The following HDAC9 variants were observed in gnomAD, a reference collection of about 807,000 sequenced individuals.
The protein encoded by HDAC9 is histone deacetylase 9, also known as MEF-2 interacting transcription repressor (MITR) protein.
Under a neutral mutation model 139.4 loss-of-function variants are expected in HDAC9, and 41 were observed. That is an observed-to-expected ratio of 0.29 (90% CI 0.23 to 0.38). The LOEUF (loss-of-function observed/expected upper bound fraction) is 0.38. Among genes scored for constraint, HDAC9 ranks in the 10% least tolerant of loss-of-function variants. The probability of loss-of-function intolerance (pLI) is 1.00; values close to 1 mark genes in which losing one functional copy is unlikely to be tolerated. For synonymous variants in HDAC9, 517 were observed against 476.2 expected (o/e 1.09, Z -1.12); for missense variants, 1,147 against 1,297.0 (o/e 0.88, Z 1.78).
intron 22 of HDAC9, among the ~76,000 whole-genome samples, chr7:18,934,714 A>C (rs1367573238): frequency 6.6e-6 from 1 of 152,180 alleles, no homozygotes; most frequent in Non-Finnish European, 1.5e-5. Flanking sequence ...TGGAATTCTT[A>C]CATATACTGT....
At chr7:18,367,989 C>G (rs554067699) in intron 1 of HDAC9, among the ~76,000 whole-genome samples, 1 of 152,076 alleles carries the variant, frequency 6.6e-6, no homozygotes, top group East Asian at 1.9e-4. Flanking sequence ...ATGGGAAATG[C>G]TTGCTTTGTC....
chr7:18,468,957 G>T (rs561951252), intron 1 of HDAC9, among the ~76,000 whole-genome samples: 1 of 152,272 alleles, frequency 6.6e-6, no homozygotes, highest in Admixed American at 6.5e-5. Flanking sequence ...TGACATCATT[G>T]TTACCTTGGT....
intron 1 of HDAC9, among the ~76,000 whole-genome samples, chr7:18,369,272 T>A (rs1232692871): frequency 2.0e-5 from 3 of 152,108 alleles, no homozygotes; most frequent in African/African-American, 7.2e-5. Flanking sequence ...CGTATGGAAA[T>A]AATTGTTTTA....
In HDAC9 at chr7:18,829,526, G is replaced by A. The variant is rs1254792069; in HGVS notation, c.2444G>A (p.Ser815Asn). Reference sequence around the variant, plus strand: ...TACTTGAGAGACCAACTAAATATAAGCAAGATATTGATTGTAGATCTGGTA... The same window carrying A: ...TACTTGAGAGACCAACTAAATATAAACAAGATATTGATTGTAGATCTGGTA... ...AKYLRDQLNISKILIVDLDVH... is the reference protein window; with the variant it reads ...AKYLRDQLNINKILIVDLDVH... Residue 815 changes from serine (S) to asparagine (N), a missense_variant, in exon 19 of 26, where the codon AGC becomes AAC. By Grantham distance (46) the Ser-to-Asn change is conservative. This residue lies in a region of HDAC9 where 407 missense variants were observed against 521.5 expected (regional missense o/e 0.78). Coordinates refer to ENST00000686413, the MANE Select transcript of HDAC9 (RefSeq NM_178425.4). 4.4e-6 allele frequency: 7 copies of A among 1,606,712 alleles called. No homozygotes were observed. The highest frequency in any genetic ancestry group is 1.7e-5 in the Admixed American group (1 of 59,844).
chr7:18,696,344 A>G (rs954629145), intron 12 of HDAC9, among the ~76,000 whole-genome samples: 3 of 148,538 alleles, frequency 2.0e-5, no homozygotes, highest in Non-Finnish European at 4.5e-5. Flanking sequence ...ACTTGTATAT[A>G]TTATATAGTT....
chr7:18,732,821 GTA>G (rs1260413870), intron 13 of HDAC9, among the ~76,000 whole-genome samples: 5 of 90,582 alleles, frequency 5.5e-5, no homozygotes, highest in Non-Finnish European at 8.4e-5. Context: ...ACACACGTGT[GTA>G]TGTGTGCGTA....
intron 2 of HDAC9, among the ~76,000 whole-genome samples, chr7:18,263,002 T>C (rs1795777260): frequency 6.6e-6 from 1 of 152,132 alleles, no homozygotes; most frequent in Non-Finnish European, 1.5e-5. Flanking sequence ...AAATCCTACC[T>C]TATGAGTAAT....
rs1245486363 is a variant in HDAC9 at position 18,666,259 on chromosome 7, T to G, written c.1514T>G (p.Leu505Arg). 6.2e-7 allele frequency: 1 copy of G among 1,613,354 alleles called. No homozygotes were observed. The highest frequency in any genetic ancestry group is 1.1e-5 in the South Asian group (1 of 91,056). The change falls in exon 12 of 26, where the codon CTT (leucine) becomes CGT (arginine). Residue 505 changes from leucine (L) to arginine (R), a missense_variant. Around this residue, in one of 7 missense-constraint regions of HDAC9, gnomAD observed 256 missense variants for 219.2 expected, o/e 1.17. Transcript: ENST00000686413. ...CAACTGAAGCAACCAGGCAGTCACC[T>G]TGAGGAAGCAGAGGAAGAGCTTCAG... ...IEQLKQPGSH[L>R]EEAEEELQGD... is the part of the protein sequence containing the mutation.
intron 1 of HDAC9, among the ~76,000 whole-genome samples, chr7:18,139,854 G>T (rs746631699): frequency 5.3e-5 from 8 of 152,150 alleles, no homozygotes; most frequent in Non-Finnish European, 7.3e-5. Flanking sequence ...GCAGCCTCCG[G>T]AAGTTAGAGT....
intron 25 of HDAC9, among the ~76,000 whole-genome samples, chr7:18,983,689 C>T (rs1785108086): frequency 6.6e-6 from 1 of 152,120 alleles, no homozygotes; most frequent in Admixed American, 6.6e-5. Context: ...AGTGGCTGTA[C>T]CATTTTTCAT....
chr7:18,255,872 C>A (rs921541438), intron 2 of HDAC9, among the ~76,000 whole-genome samples: 1 of 151,950 alleles, frequency 6.6e-6, no homozygotes, highest in African/African-American at 2.4e-5. Flanking sequence ...CGTGATCTGC[C>A]CGCCTCGGCC....
intron 15 of HDAC9, 85 bp downstream of exon 15, chr7:18,762,362 C>A: frequency 6.8e-7 from 1 of 1,460,606 alleles, no homozygotes. Flanking sequence ...AAATACTTGG[C>A]AAGTAGTGCA....
Position 18,354,789 on chromosome 7 carries a change from G to A in HDAC9, c.-42+64274G>A, listed in dbSNP as rs192941470. Among the ~76,000 whole-genome samples the A allele has an allele frequency of 3.3e-3, 502 of 152,194 alleles. 5 individuals carry two copies. Among genetic ancestry groups the A allele is most frequent in the Middle Eastern group, 0.024 (7 of 294 alleles). ...AATTCATCAATTGGATGTGGTGAGG[G>A]AAATGCCCTTCAGAAGGATCTAAAA... On this transcript the variant is annotated intron_variant, in intron 1 of 3. Coordinates refer to the HDAC9 transcript ENST00000413509.
At chr7:18,741,409 A>G (rs970318686) in intron 13 of HDAC9, among the ~76,000 whole-genome samples, 7 of 152,214 alleles carry the variant, frequency 4.6e-5, no homozygotes, top group African/African-American at 1.2e-4. Context: ...TGGAACCACA[A>G]AGCCTGGGTG....
chr7:18,282,596 G>T (rs1562831865), intron 2 of HDAC9, among the ~76,000 whole-genome samples: 1 of 152,142 alleles, frequency 6.6e-6, no homozygotes, highest in Non-Finnish European at 1.5e-5. Context: ...ATTTCCTTAA[G>T]AATTCTGCTC....
Position 18,991,369 on chromosome 7 carries a change from A to G in HDAC9, c.3171-4654A>G, listed in dbSNP as rs10247256. 3.8e-3 allele frequency among the ~76,000 whole-genome samples: 575 copies of G among 152,056 alleles called. 1 individual carries two copies. The highest frequency in any genetic ancestry group is 0.01 in the Admixed American group (155 of 15,298). Reference sequence around the variant, plus strand: ...ATAAAGAAGTCATCAGGCTGGGCACAGTGGCTCATGCCTGTAATCCCAGTG... The same window carrying G: ...ATAAAGAAGTCATCAGGCTGGGCACGGTGGCTCATGCCTGTAATCCCAGTG... On this transcript the variant is annotated intron_variant, in intron 25 of 25. Transcript: ENST00000686413.
intron 1 of HDAC9, among the ~76,000 whole-genome samples, chr7:18,395,393 C>A (rs1562948964): frequency 6.6e-6 from 1 of 152,080 alleles, no homozygotes; most frequent in East Asian, 1.9e-4. Context: ...GGAGTGGACT[C>A]CCTTTGCACT....
At chr7:18,739,829 A>G (rs1428942562) in intron 13 of HDAC9, among the ~76,000 whole-genome samples, 3 of 152,234 alleles carry the variant, frequency 2.0e-5, no homozygotes, top group African/African-American at 7.2e-5. Context: ...TTAAGTCTGT[A>G]GAAGTTGTCT....
chr7:18,261,934 G>T (rs572846003), intron 2 of HDAC9, among the ~76,000 whole-genome samples: 3 of 152,108 alleles, frequency 2.0e-5, no homozygotes, highest in Non-Finnish European at 4.4e-5. Flanking sequence ...GCTTATTAGT[G>T]CAATCTGGCA....
Sources: allele counts gnomAD v4.1 joint callset (sites outside exome capture counted in the v4.1 genomes callset), GRCh38; gene constraint gnomAD v4.1.1; regional missense constraint gnomAD v4.1.1; transcripts MANE v1.5; gene names NCBI Gene and HGNC (gene_info 2026-07-23, HGNC 2026-07-21).